The following PRKCI variants were observed in gnomAD, a reference collection of about 807,000 sequenced individuals.
PRKCI encodes the protein protein kinase C iota.
In PRKCI, 43 loss-of-function variants were observed where a neutral mutation model predicts 84.0. The ratio of observed to expected loss-of-function variants is 0.51; its 90% CI spans 0.40 to 0.66. The LOEUF is 0.66. Ranked by LOEUF, PRKCI falls within the 30% of genes least tolerant of loss-of-function variation. PRKCI has a pLI of 0.00. For missense variants in PRKCI, 459 were observed against 745.6 expected, an observed-to-expected ratio of 0.62 and a Z score of 4.48; for synonymous variants, 216 against 234.4, an observed-to-expected ratio of 0.92 and a Z score of 0.72.
chr3:170,290,342 G>A (rs187413832), intron 12 of PRKCI, among the ~76,000 whole-genome samples: 25 of 151,784 alleles, frequency 1.6e-4, no homozygotes, highest in Non-Finnish European at 3.2e-4. Flanking sequence ...AGAATGGTTT[G>A]AATATTAGTT....
At chr3:170,231,326 C>T (rs997441749) in intron 1 of PRKCI, among the ~76,000 whole-genome samples, 6 of 152,170 alleles carry the variant, frequency 3.9e-5, no homozygotes, top group East Asian at 1.9e-4. Flanking sequence ...CTATTACATA[C>T]TGTTTTCTTT....
At chr3:170,226,861 C>T (rs1339256695) in intron 1 of PRKCI, among the ~76,000 whole-genome samples, 1 of 152,094 alleles carries the variant, frequency 6.6e-6, no homozygotes, top group Non-Finnish European at 1.5e-5. Context: ...TGATCCATAG[C>T]TTGGCCAAAG....
chr3:170,261,598 C>G (rs1279763854), intron 3 of PRKCI, among the ~76,000 whole-genome samples: 1 of 152,064 alleles, frequency 6.6e-6, no homozygotes, highest in Non-Finnish European at 1.5e-5. Context: ...ATTCTCATGC[C>G]TCAGCCTCCA....
chr3:170,270,607 T>A (rs1733979224), intron 6 of PRKCI, 46 bp downstream of exon 6: 1 of 1,547,344 alleles, frequency 6.5e-7, no homozygotes, highest in Admixed American at 1.9e-5. Context: ...AAGAGCGTGC[T>A]TGATAACACT....
At position 170,269,104 on chromosome 3, in the gene PRKCI, G is replaced by A. The variant is rs116486470; in HGVS notation, c.450+1104G>A. 9.2e-3 allele frequency among the ~76,000 whole-genome samples: 1,393 copies of A among 152,116 alleles called. 19 individuals are homozygous for A. Among genetic ancestry groups the A allele is most frequent in the African/African-American group, 0.032 (1,328 of 41,494 alleles). ...TATTTTTTGTATTTTTAGTAGAGAT[G>A]GAGTTATACCTTGTTGGCCAAGCTG... On this transcript the variant is annotated intron_variant, in intron 5 of 17. Coordinates refer to ENST00000295797, the MANE Select transcript of PRKCI (RefSeq NM_002740.6).
At chr3:170,256,461 G>A (rs997093221) in intron 2 of PRKCI, among the ~76,000 whole-genome samples, 3 of 152,144 alleles carry the variant, frequency 2.0e-5, no homozygotes, top group Non-Finnish European at 4.4e-5. Context: ...TTGGCATATA[G>A]TTGCTCATCG....
chr3:170,271,577 CTT>C (rs1033354908), intron 6 of PRKCI, among the ~76,000 whole-genome samples: 9 of 152,194 alleles, frequency 5.9e-5, no homozygotes, highest in African/African-American at 1.9e-4. Flanking sequence ...ATTTCTCTCT[CTT>C]CTTTTTTTCC....
intron 8 of PRKCI, 196 bp from the exon 9 acceptor site, chr3:170,280,031 T>C (rs912113167): frequency 6.1e-5 from 26 of 429,278 alleles, no homozygotes; most frequent in African/African-American, 5.3e-4. Flanking sequence ...ATCCCTCTTA[T>C]CTCAAAATTC....
At chr3:170,256,749 A>G (rs1030726851) in intron 2 of PRKCI, among the ~76,000 whole-genome samples, 1 of 152,006 alleles carries the variant, frequency 6.6e-6, no homozygotes, top group Non-Finnish European at 1.5e-5. Flanking sequence ...TTTAAGATGC[A>G]TCATTAGTTT....
intron 3 of PRKCI, among the ~76,000 whole-genome samples, chr3:170,262,095 C>T (rs1204392707): frequency 1.3e-5 from 2 of 152,130 alleles, no homozygotes; most frequent in Admixed American, 1.3e-4. Flanking sequence ...TTTAGTACAT[C>T]ACAGACTAAG....
intron 2 of PRKCI, among the ~76,000 whole-genome samples, chr3:170,245,590 C>A (rs1004214561): frequency 6.6e-6 from 1 of 152,116 alleles, no homozygotes; most frequent in African/African-American, 2.4e-5. Flanking sequence ...TCCAGTTGCC[C>A]TGTCTTCTTC....
intron 1 of PRKCI, among the ~76,000 whole-genome samples, chr3:170,234,226 T>C (rs1053126193): frequency 6.6e-6 from 1 of 151,682 alleles, no homozygotes; most frequent in Non-Finnish European, 1.5e-5. Context: ...AGTCAGGGTT[T>C]CTCCATATTG....
chr3:170,280,984 T>C (rs2108858985), intron 9 of PRKCI, among the ~76,000 whole-genome samples, 182 bp from the exon 10 acceptor site: 1 of 152,362 alleles, frequency 6.6e-6, no homozygotes, highest in South Asian at 2.1e-4. Flanking sequence ...AGTTTTATAA[T>C]ACTGAAAGAT....
chr3:170,271,404 C>T (rs1490510240), intron 6 of PRKCI, among the ~76,000 whole-genome samples: 1 of 152,096 alleles, frequency 6.6e-6, no homozygotes, highest in African/African-American at 2.4e-5. Context: ...TTTTAAAAAC[C>T]TAACTAAAAA....
chr3:170,231,466 T>A (rs891037235), intron 1 of PRKCI, among the ~76,000 whole-genome samples: 1 of 151,972 alleles, frequency 6.6e-6, no homozygotes, highest in Non-Finnish European at 1.5e-5. Context: ...TTATTTATTA[T>A]TTATTTTATG....
intron 6 of PRKCI, 123 bp downstream of exon 6, chr3:170,270,684 A>AT: frequency 8.3e-7 from 1 of 1,202,322 alleles, no homozygotes; most frequent in Non-Finnish European, 1.1e-6. Context: ...GCTACAGAGT[A>AT]TGGGGAGGAA....
At chr3:170,247,746 A>G (rs967468544) in intron 2 of PRKCI, among the ~76,000 whole-genome samples, 1 of 150,622 alleles carries the variant, frequency 6.6e-6, no homozygotes, top group African/African-American at 2.4e-5. Flanking sequence ...AAAAAAAAAA[A>G]AAAAAAAAAA....
At chr3:170,292,049 T>C (rs1209940681) in intron 13 of PRKCI, 108 bp downstream of exon 13, 2 of 793,970 alleles carry the variant, frequency 2.5e-6, no homozygotes, top group Non-Finnish European at 4.2e-6. Flanking sequence ...ATCTTATTAA[T>C]ATAAGGATTC....
At chr3:170,295,194 C>CAGTG (rs961555051) in intron 14 of PRKCI, among the ~76,000 whole-genome samples, 2 of 148,912 alleles carry the variant, frequency 1.3e-5, no homozygotes, top group Non-Finnish European at 3.0e-5. Context: ...CTGGGCAAGA[C>CAGTG]AGTGACACTC....
Sources: gnomAD v4.1 joint callset for allele counts (sites outside exome capture counted in the v4.1 genomes callset) on GRCh38, gnomAD v4.1.1 for gene constraint, MANE v1.5 for transcripts, NCBI Gene and HGNC (gene_info 2026-07-23, HGNC 2026-07-21) for gene names.